The following CADM2 variants were observed in gnomAD, a reference collection of about 807,000 sequenced individuals.
CADM2 encodes cell adhesion molecule 2.
CADM2 carries 12 observed loss-of-function variants against 49.8 expected under a neutral mutation model. That is an observed-to-expected ratio of 0.24 (90% confidence interval 0.15 to 0.39). The LOEUF (loss-of-function observed/expected upper bound fraction) is 0.39, where lower values mean the gene tolerates loss of function less well. CADM2 is among the 10% of genes least tolerant of loss of function. CADM2 has a pLI of 1.00. For synonymous variants in CADM2, 214 were observed against 175.4 expected, an observed-to-expected ratio of 1.22 and a Z score of -1.74; for missense variants, 378 against 492.3, an observed-to-expected ratio of 0.77 and a Z score of 2.20.
At chr3:85,728,671 A>T (rs1180666085) in intron 2 of CADM2, among the ~76,000 whole-genome samples, 1 of 152,184 alleles carries the variant, frequency 6.6e-6, no homozygotes, top group Non-Finnish European at 1.5e-5. Flanking sequence ...TTTAAAGAAG[A>T]TTATATCTCA....
intron 1 of CADM2, among the ~76,000 whole-genome samples, chr3:85,587,982 G>T (rs1472748460): frequency 1.3e-5 from 2 of 151,964 alleles, no homozygotes; most frequent in African/African-American, 4.8e-5. Context: ...GCCCAAGCTG[G>T]TTTCCAATTC....
intron 1 of CADM2, among the ~76,000 whole-genome samples, chr3:84,966,054 C>A (rs1482450325): frequency 6.6e-6 from 1 of 152,126 alleles, no homozygotes; most frequent in East Asian, 1.9e-4. Context: ...GAACAAAAAA[C>A]TGAACATGTT....
chr3:85,942,001 C>A (rs1341153865), intron 7 of CADM2, among the ~76,000 whole-genome samples: 2 of 152,058 alleles, frequency 1.3e-5, no homozygotes, highest in Non-Finnish European at 2.9e-5. Flanking sequence ...AAGTCTTGTT[C>A]AAGTTATATG....
At position 86,070,865 on chromosome 3, in the gene CADM2, A is replaced by G. The variant is rs909298083; in HGVS notation, c.*4082A>G. The stretch of plus-strand genomic sequence containing the variant: ...TGGGAAAGAGGAAATCTTAGTGTAG[A>G]TAATAGAATTTGTTTTGAAATATAC... On this transcript the variant is annotated 3_prime_UTR_variant, in exon 10 of 10. Transcript: ENST00000383699. The G allele has an allele frequency of 2.0e-5, 3 of 151,952 alleles. No individual in the cohort carries two copies. The highest frequency in any genetic ancestry group is 4.4e-5 in the Non-Finnish European group (3 of 67,830). The allele number at this position is 151,952 out of a possible 1,614,324, so 9.4% of individuals were successfully genotyped here.
intron 3 of CADM2, among the ~76,000 whole-genome samples, chr3:85,870,013 C>T (rs1249575641): frequency 3.3e-5 from 5 of 152,172 alleles, no homozygotes; most frequent in African/African-American, 9.7e-5. Flanking sequence ...ATATAATCTA[C>T]CACTGCCAAT....
intron 1 of CADM2, among the ~76,000 whole-genome samples, chr3:85,078,685 T>C (rs1440404342): frequency 6.6e-6 from 1 of 151,790 alleles, no homozygotes; most frequent in Admixed American, 6.6e-5. Context: ...TTTCTTTCTT[T>C]CTTTTTTTTT....
At chr3:85,576,951 A>C (rs2062648669) in intron 1 of CADM2, among the ~76,000 whole-genome samples, 1 of 152,160 alleles carries the variant, frequency 6.6e-6, no homozygotes, top group South Asian at 2.1e-4. Context: ...CAAATAGAAC[A>C]CAAATGGGGA....
intron 1 of CADM2, among the ~76,000 whole-genome samples, chr3:85,681,428 T>C (rs1327162536): frequency 6.6e-6 from 1 of 152,132 alleles, no homozygotes; most frequent in Non-Finnish European, 1.5e-5. Flanking sequence ...GGTTAAAATT[T>C]TTCCATCTAT....
chr3:85,653,506 G>A (rs781642170), intron 1 of CADM2, among the ~76,000 whole-genome samples: 3 of 151,782 alleles, frequency 2.0e-5, no homozygotes, highest in African/African-American at 4.8e-5. Flanking sequence ...ATAGGAACAT[G>A]GTGATTGCTT....
At chr3:85,309,477 A>T (rs904222273) in intron 1 of CADM2, among the ~76,000 whole-genome samples, 4 of 152,230 alleles carry the variant, frequency 2.6e-5, no homozygotes, top group Non-Finnish European at 4.4e-5. Context: ...TGTGAAAAGA[A>T]CCTACTTCAT....
At chr3:85,024,380 G>A (rs1335596936) in intron 1 of CADM2, among the ~76,000 whole-genome samples, 1 of 152,018 alleles carries the variant, frequency 6.6e-6, no homozygotes, top group African/African-American at 2.4e-5. Flanking sequence ...ATTAATGTAG[G>A]AGTCAGAATT....
At chr3:85,517,293 C>T (rs2060927588) in intron 1 of CADM2, among the ~76,000 whole-genome samples, 1 of 151,872 alleles carries the variant, frequency 6.6e-6, no homozygotes, top group Non-Finnish European at 1.5e-5. Context: ...TGTGGTTTAG[C>T]TTTAATAATA....
In CADM2 at chr3:85,821,036, A is replaced by G. The variant is rs150607626; in HGVS notation, c.238+18840A>G. Among the ~76,000 whole-genome samples, 538 of 152,316 alleles carry G rather than the reference A, an allele frequency of 3.5e-3. 3 individuals are homozygous for G. The highest frequency in any genetic ancestry group is 0.012 in the African/African-American group (496 of 41,574). On this transcript the variant is annotated intron_variant, in intron 3 of 9. Transcript: ENST00000383699. ...TTGTCCTGCAGTTACAAGTTGCAAG[A>G]GTTTTGACTTTCATTATCATCCTTT...
chr3:85,824,692 C>A (rs914716280), intron 3 of CADM2, among the ~76,000 whole-genome samples: 1 of 152,040 alleles, frequency 6.6e-6, no homozygotes, highest in African/African-American at 2.4e-5. Context: ...ATGAGAAGTA[C>A]ATCCCATATG....
At chr3:85,765,919 T>A (rs983562492) in intron 2 of CADM2, among the ~76,000 whole-genome samples, 2 of 152,120 alleles carry the variant, frequency 1.3e-5, no homozygotes, top group Non-Finnish European at 2.9e-5. Flanking sequence ...AGATCACATT[T>A]GATTCCACTT....
Position 85,726,231 on chromosome 3 carries a change from TAAG to T in CADM2, c.62-285_62-283del, listed in dbSNP as rs60017354. Among the ~76,000 whole-genome samples, 376 of 152,116 alleles carry T rather than the reference TAAG, an allele frequency of 2.5e-3. 1 individual carries two copies. The highest frequency in any genetic ancestry group is 0.017 in the Middle Eastern group (5 of 292). On this transcript the variant is annotated intron_variant, in intron 1 of 9. Coordinates refer to ENST00000383699, the MANE Select transcript of CADM2 (RefSeq NM_001167675.2). Reference sequence around the variant, plus strand: ...TTGATTATTAAATAAAATTTAGAGTTAAGAAGAACTTAAAGTTATACATTCCAT... The same window carrying T: ...TTGATTATTAAATAAAATTTAGAGTTAAGAACTTAAAGTTATACATTCCAT...
chr3:85,542,837 G>A (rs984057330), intron 1 of CADM2, among the ~76,000 whole-genome samples: 1 of 152,162 alleles, frequency 6.6e-6, no homozygotes, highest in African/African-American at 2.4e-5. Flanking sequence ...CTAACGTCAA[G>A]AGTGGCAAAT....
At chr3:85,351,383 C>G (rs1046402762) in intron 1 of CADM2, among the ~76,000 whole-genome samples, 4 of 152,116 alleles carry the variant, frequency 2.6e-5, no homozygotes, top group East Asian at 1.9e-4. Flanking sequence ...ATAGGCATAA[C>G]GTATAATTAA....
At chr3:85,573,150 G>A (rs973977439) in intron 1 of CADM2, among the ~76,000 whole-genome samples, 11 of 148,616 alleles carry the variant, frequency 7.4e-5, no homozygotes, top group African/African-American at 1.2e-4. Flanking sequence ...ATATAAAAAC[G>A]TGCTTATTTT....
Sources: allele counts gnomAD v4.1 joint callset (sites outside exome capture counted in the v4.1 genomes callset), GRCh38; gene constraint gnomAD v4.1.1; transcripts MANE v1.5; gene names NCBI Gene and HGNC (gene_info 2026-07-23, HGNC 2026-07-21).